SORCS3: variants seen among roughly 807,000 people sequenced by gnomAD.
The protein encoded by SORCS3 is VPS10 domain-containing receptor SorCS3.
In SORCS3, 57 loss-of-function variants were observed where a neutral mutation model predicts 146.3. The observed-to-expected ratio is 0.39, with a 90% CI of 0.31 to 0.49. The LOEUF is 0.49. Among genes scored for constraint, SORCS3 ranks in the 20% least tolerant of loss-of-function variants. The probability of loss-of-function intolerance (pLI) is 0.92; values close to 1 mark genes in which losing one functional copy is unlikely to be tolerated. For missense variants in SORCS3, 1,341 were observed against 1,575.5 expected (o/e 0.85, Z 2.52); for synonymous variants, 653 against 618.5 (o/e 1.06, Z -0.83).
intron 1 of SORCS3, among the ~76,000 whole-genome samples, chr10:104,724,167 C>G (rs2133447967): frequency 6.6e-6 from 1 of 152,236 alleles, no homozygotes; most frequent in East Asian, 1.9e-4. Context: ...TTAGGGCAGT[C>G]CTGGTGGTGA....
chr10:104,698,511 T>G (rs773458833), intron 1 of SORCS3, among the ~76,000 whole-genome samples: 67 of 152,142 alleles, frequency 4.4e-4, no homozygotes, highest in Non-Finnish European at 7.3e-4. Context: ...ACACCCGTGT[T>G]TCAACCTGTT....
At chr10:104,905,388 T>C (rs1014060202) in intron 2 of SORCS3, among the ~76,000 whole-genome samples, 5 of 152,140 alleles carry the variant, frequency 3.3e-5, no homozygotes, top group Non-Finnish European at 5.9e-5. Context: ...TAGCCCTCTT[T>C]CTATTCTGGA....
chr10:104,642,610 A>G (rs1029005805), intron 1 of SORCS3, among the ~76,000 whole-genome samples: 2 of 152,082 alleles, frequency 1.3e-5, no homozygotes, highest in Non-Finnish European at 2.9e-5. Context: ...GAGGCCGTAA[A>G]AAAAAGTTTA....
chr10:105,111,678 A>T (rs1284713003), intron 7 of SORCS3, among the ~76,000 whole-genome samples: 4 of 152,252 alleles, frequency 2.6e-5, no homozygotes, highest in African/African-American at 9.6e-5. Flanking sequence ...ATTTAAATGT[A>T]TTAAAATACA....
At chr10:105,207,502 G>A (rs1028001350) in intron 16 of SORCS3, among the ~76,000 whole-genome samples, 1 of 152,024 alleles carries the variant, frequency 6.6e-6, no homozygotes, top group Non-Finnish European at 1.5e-5. Flanking sequence ...AGACTTCCCC[G>A]AGGCAAATCA....
At chr10:105,178,035 T>A (rs1445713556) in intron 13 of SORCS3, 31 bp from the exon 14 acceptor site, 1 of 1,520,308 alleles carries the variant, frequency 6.6e-7, no homozygotes. Context: ...TATTTTCAGC[T>A]GTCTTTTTTG....
At chr10:104,847,648 G>A (rs2018220341) in intron 2 of SORCS3, among the ~76,000 whole-genome samples, 1 of 152,176 alleles carries the variant, frequency 6.6e-6, no homozygotes, top group Admixed American at 6.5e-5. Flanking sequence ...TCTTCACAGA[G>A]CTAAATGAAT....
intron 1 of SORCS3, among the ~76,000 whole-genome samples, chr10:104,718,764 A>G (rs1220688775): frequency 6.6e-6 from 1 of 152,232 alleles, no homozygotes; most frequent in Non-Finnish European, 1.5e-5. Context: ...TGATGAACAA[A>G]GTAGGCCCGA....
chr10:104,859,876 C>G (rs1262610471), intron 2 of SORCS3, among the ~76,000 whole-genome samples: 1 of 140,404 alleles, frequency 7.1e-6, no homozygotes, highest in Non-Finnish European at 1.6e-5. Context: ...GAGATACCAT[C>G]TCACACCAGT....
In SORCS3 at chr10:105,262,368, CACG is replaced by C. The variant is rs1444417453; in HGVS notation, c.3484_3486del (p.Asp1162del). On this transcript the variant is annotated inframe_deletion, in exon 26 of 27. Transcript: ENST00000369701. ...GATTAACATCTATGCTCAAGTCCAA[CACG>C]ACAAGGAGCAGGAGATGATTGGGTC... 1 of 1,613,958 alleles carries C rather than the reference CACG, an allele frequency of 6.2e-7. No individual in the cohort carries two copies. The highest frequency in any genetic ancestry group is 8.5e-7 in the Non-Finnish European group (1 of 1,179,896).
chr10:105,184,377 T>C (rs554108715), intron 14 of SORCS3, among the ~76,000 whole-genome samples: 8 of 152,320 alleles, frequency 5.3e-5, no homozygotes, highest in African/African-American at 1.9e-4. Flanking sequence ...CCCCCAACCA[T>C]TTAAAATGTA....
At chr10:105,011,770 C>T (rs1284024985) in intron 4 of SORCS3, among the ~76,000 whole-genome samples, 1 of 152,140 alleles carries the variant, frequency 6.6e-6, no homozygotes, top group Non-Finnish European at 1.5e-5. Flanking sequence ...CTCTTTCCAC[C>T]AGTGTTTATT....
At position 104,822,199 on chromosome 10, in the gene SORCS3, A is replaced by G. The variant is rs190183031; in HGVS notation, c.628-20593A>G. The G allele has an allele frequency of 1.3e-4, 57 of 449,378 alleles. No individual in the cohort carries two copies. The East Asian group carries it at 2.6e-3, about 20-fold the overall frequency. 27.8% of individuals were successfully genotyped at this position (449,378 alleles called of 1,614,324 possible). On this transcript the variant is annotated intron_variant, in intron 1 of 26. Transcript: ENST00000369701. ...TCTCAGAACTGAGGCCTTAATTCCC[A>G]AGCACACGTTGTCTGTTTCTTATCA...
intron 3 of SORCS3, among the ~76,000 whole-genome samples, chr10:104,923,378 C>T (rs1360113765): frequency 6.6e-6 from 1 of 152,130 alleles, no homozygotes. Flanking sequence ...AGTTATATGA[C>T]TACATGTTGG....
chr10:105,161,116 A>G (rs958437373), intron 11 of SORCS3, among the ~76,000 whole-genome samples: 13 of 152,174 alleles, frequency 8.5e-5, no homozygotes, highest in African/African-American at 3.1e-4. Context: ...TTTGTCCCAT[A>G]TGTATCAGAA....
intron 1 of SORCS3, among the ~76,000 whole-genome samples, chr10:104,762,691 GAT>G: frequency 6.6e-6 from 1 of 152,268 alleles, no homozygotes; most frequent in East Asian, 1.9e-4. Flanking sequence ...GTTTTCGAGA[GAT>G]GTGATGGTTT....
intron 6 of SORCS3, among the ~76,000 whole-genome samples, chr10:105,090,935 G>C (rs2055697507): frequency 6.6e-6 from 1 of 152,188 alleles, no homozygotes; most frequent in Admixed American, 6.5e-5. Flanking sequence ...GAAATCTACT[G>C]TTGGAGGCCA....
At chr10:105,048,427 C>T (rs1158200463) in intron 5 of SORCS3, among the ~76,000 whole-genome samples, 4 of 150,750 alleles carry the variant, frequency 2.7e-5, no homozygotes, top group South Asian at 4.2e-4. Flanking sequence ...AGCAAACTAT[C>T]GCAAGGACAA....
chr10:105,180,753 C>T (rs1292619607), intron 14 of SORCS3, among the ~76,000 whole-genome samples: 2 of 152,210 alleles, frequency 1.3e-5, no homozygotes, highest in Non-Finnish European at 2.9e-5. Flanking sequence ...CTGGTGCCTT[C>T]CTGCCCCCAG....
Sources: gnomAD v4.1 joint callset for allele counts (sites outside exome capture counted in the v4.1 genomes callset) on GRCh38, gnomAD v4.1.1 for gene constraint, MANE v1.5 for transcripts, NCBI Gene and HGNC (gene_info 2026-07-23, HGNC 2026-07-21) for gene names.